Variants in MACF1 observed in about 807,000 individuals in gnomAD.
MACF1 encodes the protein microtubule actin crosslinking factor 1, also known as microtubule-actin cross-linking factor 1.
A neutral mutation model predicts 854.8 loss-of-function variants in MACF1; 193 were observed. The observed-to-expected ratio is 0.23, with a 90% confidence interval of 0.20 to 0.25. The LOEUF is 0.25. Ranked by LOEUF, MACF1 falls within the 10% of genes least tolerant of loss-of-function variation. The pLI is 1.00. For missense variants in MACF1, 7,722 were observed against 8,929.1 expected (o/e 0.86, Z 5.45); for synonymous variants, 3,185 against 3,226.7 (o/e 0.99, Z 0.44).
Position 39,310,256 on chromosome 1 carries a change from A to T in MACF1, c.2928A>T (p.Ser976=). The T allele has an allele frequency of 6.2e-7, 1 of 1,609,374 alleles. No homozygotes were observed. The highest frequency in any genetic ancestry group is 8.5e-7 in the Non-Finnish European group (1 of 1,178,574). Residue 976 remains serine (S), a synonymous_variant, in exon 25 of 101, where the codon TCA becomes TCT. Coordinates refer to ENST00000564288, the MANE Select transcript of MACF1 (RefSeq NM_001394062.1). The stretch of plus-strand genomic sequence containing the variant: ...CTTTTTCTTTCTAGCTTCGATCCTC[A>T]GCACCAGGGGAGTGCCATCAGATTA... ...QTWNLEKLRS[S]APGECHQIMK... is the part of the protein sequence containing the mutation.
chr1:39,397,224 C>A (rs371349819), intron 58 of MACF1, among the ~76,000 whole-genome samples: 1 of 152,046 alleles, frequency 6.6e-6, no homozygotes, highest in Non-Finnish European at 1.5e-5. Context: ...TCTGGAAAAA[C>A]CCATCATAAC....
At chr1:39,200,141 T>C (rs1644371714), upstream of MACF1, among the ~76,000 whole-genome samples, 1 of 152,218 alleles carries the variant, frequency 6.6e-6, no homozygotes, top group South Asian at 2.1e-4. Context: ...CTAAATTCAA[T>C]GGTCAGTTCT....
chr1:39,141,142 AGTT>A (rs996636723), intron 2 of MACF1, among the ~76,000 whole-genome samples: 18 of 152,118 alleles, frequency 1.2e-4, no homozygotes, highest in African/African-American at 4.3e-4. Flanking sequence ...TGCTATAATC[AGTT>A]GTTCATAATA....
intron 1 of MACF1, among the ~76,000 whole-genome samples, chr1:39,219,539 T>C (rs933559770): frequency 6.6e-6 from 1 of 152,238 alleles, no homozygotes; most frequent in Non-Finnish European, 1.5e-5. Flanking sequence ...TGTAGCCTTC[T>C]GAGGATAGCA....
intron 1 of MACF1, among the ~76,000 whole-genome samples, chr1:39,226,159 G>C (rs975566148): frequency 2.6e-5 from 4 of 152,082 alleles, no homozygotes; most frequent in South Asian, 2.1e-4. Context: ...GTCTTGGGAA[G>C]GGCTTGTAAT....
chr1:39,118,560 A>G (rs889595134), intron 2 of MACF1, among the ~76,000 whole-genome samples: 4 of 152,258 alleles, frequency 2.6e-5, no homozygotes, highest in African/African-American at 4.8e-5. Context: ...GTGGGAGAGA[A>G]AGATAGATGG....
intron 58 of MACF1, chr1:39,414,181 G>C (rs201381740): frequency 2.5e-6 from 4 of 1,611,422 alleles, no homozygotes; most frequent in Non-Finnish European, 8.5e-7. Context: ...CCCAGAGGTG[G>C]CTGCCATCCC....
chr1:39,363,206 T>G (rs1648359500), intron 49 of MACF1, among the ~76,000 whole-genome samples: 1 of 152,192 alleles, frequency 6.6e-6, no homozygotes, highest in African/African-American at 2.4e-5. Flanking sequence ...TTTTCTACCT[T>G]TGTTGATTAA....
At position 39,300,233 on chromosome 1, in the gene MACF1, G is replaced by C. The variant is rs1343518934; in HGVS notation, c.2505G>C (p.Gln835His). 6.2e-7 allele frequency: 1 copy of C among 1,613,964 alleles called. No individual in the cohort carries two copies. The highest frequency in any genetic ancestry group is 8.5e-7 in the Non-Finnish European group (1 of 1,179,994). Residue 835 changes from glutamine to histidine, a missense_variant, in exon 22 of 101, where the codon CAG becomes CAC. Physicochemically the swap from Gln to His is conservative, Grantham distance 24. Around this residue, in one of 15 missense-constraint regions of MACF1, gnomAD observed 1,137 missense variants for 1,263.0 expected, o/e 0.90. Transcript: ENST00000564288. ...AGGATGAAAAGGAGCAGCTTATACA[G>C]TCCAAGAGTTCCGTTGCCAGTCTCG... ...DSMDEKEQLI[Q>H]SKSSVASLVG...
chr1:39,205,780 G>T (rs1005706689), intron 1 of MACF1, among the ~76,000 whole-genome samples: 2 of 103,612 alleles, frequency 1.9e-5, no homozygotes, highest in African/African-American at 8.0e-5. Context: ...AGGGAATCAG[G>T]CTTTGATAAT....
chr1:39,141,906 GT>G (rs890791009), intron 2 of MACF1, among the ~76,000 whole-genome samples: 1 of 152,284 alleles, frequency 6.6e-6, no homozygotes, highest in African/African-American at 2.4e-5. Flanking sequence ...ATTGCCAGTG[GT>G]TTTGGTATTA....
chr1:39,444,251 T>A (rs906570424), intron 79 of MACF1, among the ~76,000 whole-genome samples: 3 of 151,732 alleles, frequency 2.0e-5, no homozygotes, highest in African/African-American at 7.3e-5. Context: ...AGGAGAATGG[T>A]GTGAACCCGG....
At chr1:39,381,789 C>G (rs1481707062) in intron 55 of MACF1, among the ~76,000 whole-genome samples, 164 bp from the exon 56 acceptor site, 1 of 152,108 alleles carries the variant, frequency 6.6e-6, no homozygotes, top group Non-Finnish European at 1.5e-5. Context: ...ATGATCGTGC[C>G]ACTGCTCTAT....
At chr1:39,267,376 G>T (rs997981453) in intron 6 of MACF1, among the ~76,000 whole-genome samples, 1 of 152,088 alleles carries the variant, frequency 6.6e-6, no homozygotes, top group African/African-American at 2.4e-5. Context: ...GACTAAGGGC[G>T]CATGCCACTG....
At chr1:39,188,291 T>C (rs531016871) in intron 2 of MACF1, among the ~76,000 whole-genome samples, 1 of 152,076 alleles carries the variant, frequency 6.6e-6, no homozygotes, top group African/African-American at 2.4e-5. Flanking sequence ...GAGCTGGATG[T>C]GGTGGCGCAT....
chr1:39,235,013 C>T (rs1222387415), intron 2 of MACF1, among the ~76,000 whole-genome samples: 2 of 151,830 alleles, frequency 1.3e-5, no homozygotes, highest in African/African-American at 2.4e-5. Flanking sequence ...ACGCTCCTCA[C>T]TTTCCAGACT....
rs1276846986 is a variant in MACF1, at chr1:39,347,100, C to T, written c.10705C>T (p.Leu3569Phe). The T allele has an allele frequency of 2.5e-6, 4 of 1,613,794 alleles. No individual in the cohort carries two copies. In the East Asian group the frequency reaches 6.7e-5, roughly 27 times the overall value. Residue 3569 changes from leucine to phenylalanine, a missense_variant, in exon 41 of 101, where the codon CTT (leucine) becomes TTT (phenylalanine). Physicochemically the swap from Leu to Phe is conservative, Grantham distance 22. Transcript: ENST00000564288. ...TCAGCAGAATCGACAGATGCTGAGG[C>T]TTCTGAATGAACTGCAGAGGTCCTT... ...SPQQNRQMLR[L>F]LNELQRSFQD...
chr1:39,120,817 ATCTTTG>A (rs1250033720), intron 2 of MACF1: 1 of 152,132 alleles, frequency 6.6e-6, no homozygotes, highest in African/African-American at 2.4e-5. Context: ...TCAAGCATTT[ATCTTTG>A]TGTTGCAAAC....
chr1:39,372,505 G>A lies in MACF1; in HGVS notation c.13122G>A (p.Lys4374=). 4 of 1,613,326 alleles carry A rather than the reference G, an allele frequency of 2.5e-6. No homozygotes were observed. The highest frequency in any genetic ancestry group is 3.4e-6 in the Non-Finnish European group (4 of 1,179,480). The change falls in exon 52 of 101, where the codon AAG becomes AAA. Residue 4374 remains lysine (K), a synonymous_variant. Transcript: ENST00000564288. The part of the protein sequence containing the change: ...LKSLLDDWAS[K]GTLVEEINCK... ...GTCTACTAGATGACTGGGCAAGTAA[G>A]GGAACTCTGGTGGAAGAAATCAATT...
Sources: allele counts gnomAD v4.1 joint callset (sites outside exome capture counted in the v4.1 genomes callset), GRCh38; gene constraint gnomAD v4.1.1; regional missense constraint gnomAD v4.1.1; transcripts MANE v1.5; gene names NCBI Gene and HGNC (gene_info 2026-07-23, HGNC 2026-07-21).